OSBPL9: variants seen among roughly 807,000 people sequenced by gnomAD.
OSBPL9 encodes oxysterol binding protein like 9, also known as oxysterol-binding protein-related protein 9.
A neutral mutation model predicts 106.6 loss-of-function variants in OSBPL9; 40 were observed. That is an observed-to-expected ratio of 0.38 (90% confidence interval 0.29 to 0.49). The LOEUF (loss-of-function observed/expected upper bound fraction) is 0.49, where lower values mean the gene tolerates loss of function less well. Ranked by LOEUF, OSBPL9 falls within the 20% of genes least tolerant of loss-of-function variation. The pLI is 0.97. For synonymous variants in OSBPL9, 269 were observed against 295.4 expected (o/e 0.91, Z 0.92); for missense variants, 609 against 887.2 (o/e 0.69, Z 3.98).
At chr1:51,786,492 G>A (rs537566375) in intron 21 of OSBPL9, 34 bp from the exon 22 acceptor site, 1 of 1,422,334 alleles carries the variant, frequency 7.0e-7, no homozygotes, top group South Asian at 1.2e-5. Context: ...GGGGTTTATG[G>A]GTCTAGTTCC....
chr1:51,604,023 G>A (rs1274900673), intron 2 of OSBPL9, among the ~76,000 whole-genome samples: 1 of 152,156 alleles, frequency 6.6e-6, no homozygotes, highest in East Asian at 1.9e-4. Context: ...CATTGGTTCT[G>A]ATAACATTAA....
chr1:51,730,236 T>G (rs989319297), intron 4 of OSBPL9: 1 of 1,071,348 alleles, frequency 9.3e-7, no homozygotes, highest in African/African-American at 1.6e-5. Flanking sequence ...CGAGAGGGCA[T>G]TCGCCCCCAA....
chr1:51,736,427 A>T (rs560083483), intron 4 of OSBPL9, among the ~76,000 whole-genome samples: 1 of 152,282 alleles, frequency 6.6e-6, no homozygotes, highest in South Asian at 2.1e-4. Context: ...GTGACTGATC[A>T]TCTATCTGTT....
chr1:51,674,544 G>T (rs1001735753), intron 3 of OSBPL9, among the ~76,000 whole-genome samples: 10 of 152,204 alleles, frequency 6.6e-5, no homozygotes, highest in African/African-American at 2.4e-4. Flanking sequence ...CTGAGTCTGG[G>T]CTGGAAATGG....
rs941874315 is a variant in OSBPL9, at chr1:51,772,057, A to G, written c.939-13A>G. The G allele has an allele frequency of 2.1e-5, 34 of 1,595,076 alleles. No individual in the cohort carries two copies. Among genetic ancestry groups the G allele is most frequent in the Non-Finnish European group, 2.8e-5 (33 of 1,167,196 alleles). Reference sequence around the variant, plus strand: ...TTTCTTTAGCTTAAATAAGGTAATTAATGTTTTTATAGTTCTTCTGGATCT... The same window carrying G: ...TTTCTTTAGCTTAAATAAGGTAATTGATGTTTTTATAGTTCTTCTGGATCT... On this transcript the variant is annotated splice_polypyrimidine_tract_variant and intron_variant, in intron 12 of 23. Transcript: ENST00000428468.
intron 1 of OSBPL9, among the ~76,000 whole-genome samples, chr1:51,595,879 G>C (rs996999103): frequency 6.6e-6 from 1 of 152,160 alleles, no homozygotes; most frequent in Admixed American, 6.5e-5. Flanking sequence ...AGGTCACACA[G>C]AGATGGAATA....
At chr1:51,562,685 C>T in the OSBPL9 span, among the ~76,000 whole-genome samples, 1 of 152,240 alleles carries the variant, frequency 6.6e-6, no homozygotes, top group East Asian at 1.9e-4. Context: ...CTGAGCTTGG[C>T]CCCATGTCTG....
chr1:51,545,153 A>G, the OSBPL9 span, among the ~76,000 whole-genome samples: 1 of 152,252 alleles, frequency 6.6e-6, no homozygotes, highest in Admixed American at 6.5e-5. Context: ...CCAGAGACAT[A>G]CTTAAAGAGA....
At chr1:51,765,247 G>A (rs1382508693) in intron 11 of OSBPL9, among the ~76,000 whole-genome samples, 3 of 152,028 alleles carry the variant, frequency 2.0e-5, no homozygotes, top group East Asian at 1.9e-4. Context: ...TCTTCTCATC[G>A]TAGTCCTCTA....
intron 2 of OSBPL9, among the ~76,000 whole-genome samples, chr1:51,606,008 AAAG>A (rs1384879704): frequency 2.8e-5 from 4 of 143,384 alleles, no homozygotes; most frequent in Non-Finnish European, 6.4e-5. Flanking sequence ...AGAGAGAGAG[AAAG>A]AAAAAAGAAA....
At chr1:51,557,474 C>T in the OSBPL9 span, among the ~76,000 whole-genome samples, 1 of 152,144 alleles carries the variant, frequency 6.6e-6, no homozygotes, top group Non-Finnish European at 1.5e-5. Flanking sequence ...CCCTTTGCCC[C>T]CATTGCCCTT....
intron 1 of OSBPL9, among the ~76,000 whole-genome samples, chr1:51,625,135 G>T (rs1216028166): frequency 1.3e-5 from 2 of 152,218 alleles, no homozygotes; most frequent in Non-Finnish European, 2.9e-5. Flanking sequence ...TCCAGAGCCT[G>T]TGGAACTGTG....
chr1:51,731,032 ATATATTGCTTT>A (rs1183862459), intron 4 of OSBPL9, among the ~76,000 whole-genome samples: 1 of 151,948 alleles, frequency 6.6e-6, no homozygotes, highest in African/African-American at 2.4e-5. Flanking sequence ...TATACTTTAA[ATATATTGCTTT>A]ACTCCCCCCC....
intron 21 of OSBPL9, chr1:51,786,239 C>CCATA (rs1363013067): frequency 2.2e-6 from 1 of 445,898 alleles, no homozygotes; most frequent in African/African-American, 2.0e-5. Context: ...CTGTGTGTTT[C>CCATA]CATACACACA....
At chr1:51,533,959 C>T in the OSBPL9 span, among the ~76,000 whole-genome samples, 2 of 149,888 alleles carry the variant, frequency 1.3e-5, no homozygotes, top group Admixed American at 6.7e-5. Flanking sequence ...GTAATCCCAG[C>T]ACTTTGGGAG....
intron 16 of OSBPL9, among the ~76,000 whole-genome samples, chr1:51,782,229 A>G (rs1299571332): frequency 6.6e-6 from 1 of 152,202 alleles, no homozygotes; most frequent in African/African-American, 2.4e-5. Context: ...GATTCTCCAT[A>G]TATTTCCCTC....
At chr1:51,639,172 G>A (rs1297910959) in intron 1 of OSBPL9, among the ~76,000 whole-genome samples, 1 of 152,132 alleles carries the variant, frequency 6.6e-6, no homozygotes, top group Non-Finnish European at 1.5e-5. Flanking sequence ...AAAATATGAA[G>A]CATTGTTATC....
rs1312293652 is a variant in OSBPL9, at chr1:51,788,880, A to G, written c.*1091A>G. Among the ~76,000 whole-genome samples, 1 of 151,358 alleles carries G rather than the reference A, an allele frequency of 6.6e-6. No individual in the cohort carries two copies. The highest frequency in any genetic ancestry group is 1.5e-5 in the Non-Finnish European group (1 of 67,984). ...TATCATCTTTTTTATTTAAAAATAC[A>G]TTAAAAAAACAGGTATTAGTACCTA... On this transcript the variant is annotated 3_prime_UTR_variant, in exon 24 of 24. Transcript: ENST00000428468.
chr1:51,763,695 A>G (rs981183116), intron 11 of OSBPL9, among the ~76,000 whole-genome samples: 1 of 152,230 alleles, frequency 6.6e-6, no homozygotes, highest in Non-Finnish European at 1.5e-5. Flanking sequence ...AAGAAAAAAA[A>G]TAGCTCTCTT....
Sources: allele counts gnomAD v4.1 joint callset (sites outside exome capture counted in the v4.1 genomes callset), GRCh38; gene constraint gnomAD v4.1.1; transcripts MANE v1.5; gene names NCBI Gene and HGNC (gene_info 2026-07-23, HGNC 2026-07-21).